ANO1: variants seen among roughly 807,000 people sequenced by gnomAD.
ANO1 encodes anoctamin 1.
Under a neutral mutation model 124.0 loss-of-function variants are expected in ANO1, and 59 were observed. The ratio of observed to expected loss-of-function variants is 0.48; its 90% CI spans 0.39 to 0.59. The LOEUF (loss-of-function observed/expected upper bound fraction) is 0.59, where lower values mean the gene tolerates loss of function less well. ANO1 is among the 20% of genes least tolerant of loss of function. The pLI, the probability that ANO1 is intolerant of heterozygous loss-of-function variation, is 0.00. For synonymous variants in ANO1, 529 were observed against 532.0 expected (o/e 0.99, Z 0.08); for missense variants, 1,059 against 1,328.0 (o/e 0.80, Z 3.15).
chr11:70,081,036 G>C (rs1231125385), intron 1 of ANO1, among the ~76,000 whole-genome samples: 1 of 152,244 alleles, frequency 6.6e-6, no homozygotes, highest in Non-Finnish European at 1.5e-5. Context: ...TTCCTATCCT[G>C]TTCTCAGGTG....
At chr11:70,174,920 A>AAAAAG (rs59754818) in intron 22 of ANO1, among the ~76,000 whole-genome samples, 71,389 of 149,760 alleles carry the variant, frequency 0.48, 17,947 homozygotes, top group East Asian at 0.71. Flanking sequence ...AAAGAAAAGA[A>AAAAAG]AAAAGAAAAG....
chr11:70,175,483 G>A (rs1373687870), intron 22 of ANO1, among the ~76,000 whole-genome samples: 1 of 152,262 alleles, frequency 6.6e-6, no homozygotes, highest in Non-Finnish European at 1.5e-5. Context: ...GGGTGGCTGG[G>A]GGAAGCTGTG....
At chr11:69,982,005 C>T (rs1554996267), upstream of ANO1, among the ~76,000 whole-genome samples, 1 of 152,120 alleles carries the variant, frequency 6.6e-6, no homozygotes, top group Non-Finnish European at 1.5e-5. Context: ...AGAAGGCAGG[C>T]CAATGGTTGC....
At chr11:70,086,290 G>A (rs2044379508) in intron 1 of ANO1, among the ~76,000 whole-genome samples, 2 of 152,184 alleles carry the variant, frequency 1.3e-5, no homozygotes, top group South Asian at 4.1e-4. Context: ...TGTCTGTCTT[G>A]ATAACCGGCC....
chr11:70,053,134 G>A (rs4980757), intron 1 of ANO1, among the ~76,000 whole-genome samples: 98,326 of 152,052 alleles, frequency 0.65, 32,292 homozygotes, highest in East Asian at 0.91. Flanking sequence ...TTTACTTTTT[G>A]ATTCCAATAG....
At chr11:70,032,991 C>G (rs529520580) in intron 1 of ANO1, among the ~76,000 whole-genome samples, 1 of 152,180 alleles carries the variant, frequency 6.6e-6, no homozygotes. Flanking sequence ...ACCAGGCACA[C>G]GGCGTGCCCG....
chr11:70,043,477 A>C (rs1555005277), intron 1 of ANO1, among the ~76,000 whole-genome samples: 1 of 152,202 alleles, frequency 6.6e-6, no homozygotes, highest in Admixed American at 6.5e-5. Context: ...CAAATCTAAA[A>C]AGCTTAATAC....
intron 1 of ANO1, among the ~76,000 whole-genome samples, chr11:70,006,625 CTTCT>C (rs1297488593): frequency 7.3e-6 from 1 of 137,032 alleles, no homozygotes; most frequent in Non-Finnish European, 1.6e-5. Context: ...TTCTTTCTTT[CTTCT>C]TTCTTTTCTT....
intron 1 of ANO1, among the ~76,000 whole-genome samples, chr11:70,037,516 G>A (rs938204435): frequency 2.6e-5 from 4 of 151,946 alleles, no homozygotes; most frequent in Admixed American, 1.3e-4. Flanking sequence ...ATGAAGGTGG[G>A]TCACAGACGC....
At chr11:70,066,049 C>T (rs1591069805) in intron 1 of ANO1, among the ~76,000 whole-genome samples, 1 of 152,344 alleles carries the variant, frequency 6.6e-6, no homozygotes, top group African/African-American at 2.4e-5. Context: ...GGAAGGTAAG[C>T]TCTGTGGGAG....
intron 24 of ANO1, among the ~76,000 whole-genome samples, 178 bp downstream of exon 24, chr11:70,182,864 T>C (rs1213591791): frequency 6.6e-6 from 1 of 151,372 alleles, no homozygotes; most frequent in Non-Finnish European, 1.5e-5. Flanking sequence ...ATCCCAGCAC[T>C]TTGGGAGGGC....
At chr11:70,086,933 A>G (rs751237519) in intron 1 of ANO1, among the ~76,000 whole-genome samples, 3 of 152,228 alleles carry the variant, frequency 2.0e-5, no homozygotes, top group Non-Finnish European at 4.4e-5. Flanking sequence ...ACCTCTGGAC[A>G]CACAGCTAGT....
At chr11:69,974,520 A>G in the ANO1 span, among the ~76,000 whole-genome samples, 3 of 152,210 alleles carry the variant, frequency 2.0e-5, no homozygotes, top group Non-Finnish European at 4.4e-5. Flanking sequence ...AAGACGGCTG[A>G]GCTGGTTCAA....
intron 2 of ANO1, among the ~76,000 whole-genome samples, chr11:70,102,043 GA>G (rs1398614008): frequency 6.6e-6 from 1 of 152,232 alleles, no homozygotes; most frequent in Non-Finnish European, 1.5e-5. Context: ...CTTTGATGGG[GA>G]AATACGTTGT....
intron 7 of ANO1, among the ~76,000 whole-genome samples, chr11:70,112,581 A>C (rs1359166799): frequency 6.9e-6 from 1 of 145,490 alleles, no homozygotes; most frequent in Non-Finnish European, 1.5e-5. Flanking sequence ...GAAACAAGAC[A>C]GAGTCTCGCT....
At chr11:70,152,193 G>A (rs563840176) in intron 12 of ANO1, among the ~76,000 whole-genome samples, 37 of 152,062 alleles carry the variant, frequency 2.4e-4, no homozygotes, top group South Asian at 1.5e-3. Flanking sequence ...AAAATTAGCC[G>A]GGCGTGGTGG....
Position 70,088,005 on chromosome 11 carries a change from AGGAT to A in ANO1, c.364_367del (p.Asp122ThrfsTer34). 1 of 1,549,538 alleles carries A rather than the reference AGGAT, an allele frequency of 6.5e-7. No homozygotes were observed. Among genetic ancestry groups the A allele is most frequent in the Non-Finnish European group, 8.7e-7 (1 of 1,147,302 alleles). ...GGGGAGCCCCCGATGGACTACCACG[AGGAT>A]GACAAGCGCTTCCGCAGGGAGGAGT... On this transcript the variant is annotated frameshift_variant, in exon 2 of 26. Transcript: ENST00000355303. LOFTEE classifies it high-confidence loss of function.
intron 1 of ANO1, among the ~76,000 whole-genome samples, chr11:70,050,318 G>C (rs1455833244): frequency 6.6e-6 from 1 of 152,172 alleles, no homozygotes; most frequent in Non-Finnish European, 1.5e-5. Flanking sequence ...GCTGGGAACA[G>C]GCTGCAGGAT....
intron 1 of ANO1, among the ~76,000 whole-genome samples, chr11:70,060,144 C>T (rs188634862): frequency 7.1e-4 from 108 of 152,080 alleles, no homozygotes; most frequent in African/African-American, 2.1e-3. Flanking sequence ...AAGCCTCTTT[C>T]GGCCCAGATG....
Sources: allele counts gnomAD v4.1 joint callset (sites outside exome capture counted in the v4.1 genomes callset), GRCh38; gene constraint gnomAD v4.1.1; transcripts MANE v1.5; gene names NCBI Gene and HGNC (gene_info 2026-07-23, HGNC 2026-07-21).